The following UGT2B4 variants were observed in gnomAD, a reference collection of about 807,000 sequenced individuals.
UGT2B4 encodes UDP glucuronosyltransferase family 2 member B4, also known as UDP-glucuronosyltransferase 2B4.
In UGT2B4, 49 loss-of-function variants were observed where a neutral mutation model predicts 49.8. The ratio of observed to expected loss-of-function variants is 0.98; its 90% confidence interval spans 0.78 to 1.25. The LOEUF is 1.25. Ranked by LOEUF, UGT2B4 falls within the 50% of genes most tolerant of loss-of-function variation. UGT2B4 has a pLI of 0.00. For missense variants in UGT2B4, 729 were observed against 627.7 expected (o/e 1.16, Z -1.73); for synonymous variants, 246 against 217.7 (o/e 1.13, Z -1.14).
At chr4:69,488,573 T>C (rs1194047326) in intron 3 of UGT2B4, among the ~76,000 whole-genome samples, 1 of 152,010 alleles carries the variant, frequency 6.6e-6, no homozygotes, top group Non-Finnish European at 1.5e-5. Context: ...AGAAAATATG[T>C]TCCTACTATG....
intron 1 of UGT2B4, among the ~76,000 whole-genome samples, chr4:69,504,150 A>G (rs1728409167): frequency 6.6e-6 from 1 of 152,176 alleles, no homozygotes; most frequent in South Asian, 2.1e-4. Context: ...TGAAAACTCA[A>G]AAAGCCACAG....
chr4:69,487,569 A>G (rs1727830576), intron 3 of UGT2B4, among the ~76,000 whole-genome samples: 2 of 152,088 alleles, frequency 1.3e-5, no homozygotes, highest in Non-Finnish European at 2.9e-5. Context: ...ATAGAGAGGA[A>G]TAACATACAC....
chr4:69,522,251 A>T (rs1373251054), intron 1 of UGT2B4, among the ~76,000 whole-genome samples: 1 of 152,226 alleles, frequency 6.6e-6, no homozygotes. Context: ...ACAATCAAAA[A>T]CACATTATAC....
At chr4:69,488,820 G>C (rs1312851182) in intron 3 of UGT2B4, among the ~76,000 whole-genome samples, 1 of 151,964 alleles carries the variant, frequency 6.6e-6, no homozygotes, top group Non-Finnish European at 1.5e-5. Context: ...AGCAAAGCAG[G>C]CTGCTTTTTC....
chr4:69,480,721 A>G lies in UGT2B4; in HGVS notation c.1500T>C (p.Cys500=), dbSNP rs1008351318. 6.2e-7 allele frequency: 1 copy of G among 1,613,944 alleles called. No individual in the cohort carries two copies. The change falls in exon 6 of 6, where the codon TGT becomes TGC. Residue 500 remains cysteine (C), a synonymous_variant. Transcript: ENST00000305107. ...TGATGATGAATATCACAGTTGCCACACAGGCCAGCAGGAACCCAGTCACAT... is the reference window on the plus strand; with the variant it reads ...TGATGATGAATATCACAGTTGCCACGCAGGCCAGCAGGAACCCAGTCACAT... The part of the protein sequence containing the change: ...SLDVTGFLLA[C]VATVIFIITK...
At chr4:69,515,490 T>G (rs116177216) in intron 1 of UGT2B4, among the ~76,000 whole-genome samples, 127 of 152,264 alleles carry the variant, frequency 8.3e-4, no homozygotes, top group African/African-American at 2.8e-3. Context: ...TGCACCAGAA[T>G]CTCTGGGACA....
intron 1 of UGT2B4, among the ~76,000 whole-genome samples, chr4:69,521,978 T>C (rs900713006): frequency 6.6e-6 from 1 of 152,192 alleles, no homozygotes; most frequent in Non-Finnish European, 1.5e-5. Flanking sequence ...AAGAAGACTA[T>C]AACACTGATG....
intron 1 of UGT2B4, among the ~76,000 whole-genome samples, chr4:69,512,720 TTTTTTG>T (rs1257653484): frequency 1.6e-5 from 2 of 128,552 alleles, no homozygotes; most frequent in African/African-American, 5.2e-5. Flanking sequence ...CATCTGTTTT[TTTTTTG>T]TTTGTTTGTT....
rs1409309746 is a variant in UGT2B4, at chr4:69,502,089, CTCTCTT to C, written c.-105-6129_-105-6124del. Among the ~76,000 whole-genome samples the C allele has an allele frequency of 8.0e-4, 67 of 84,146 alleles. 1 individual carries two copies. Among genetic ancestry groups the C allele is most frequent in the African/African-American group, 2.8e-3 (61 of 21,696 alleles). 55.2% of individuals were successfully genotyped at this position (84,146 alleles called of 152,430 possible). On this transcript the variant is annotated intron_variant, in intron 1 of 1. Coordinates refer to the UGT2B4 transcript ENST00000510114. The stretch of plus-strand genomic sequence containing the variant: ...TTCCTTCTTTTCTTTCTTTCTTTCT[CTCTCTT>C]TCTTTCTTTCTTTCTTTCTTTCTTT...
At chr4:69,525,665 A>G (rs1728964065) in intron 1 of UGT2B4, 1 of 1,263,724 alleles carries the variant, frequency 7.9e-7, no homozygotes, top group Non-Finnish European at 1.0e-6. Context: ...TACACATTCA[A>G]TGCACAATTT....
upstream of UGT2B4, among the ~76,000 whole-genome samples, chr4:69,496,605 A>G (rs1728170209): frequency 6.6e-6 from 1 of 152,198 alleles, no homozygotes; most frequent in African/African-American, 2.4e-5. Context: ...CTTCTACCGT[A>G]AGAGTCAATT....
chr4:69,494,742 C>T (rs1328587411), intron 1 of UGT2B4, among the ~76,000 whole-genome samples: 1 of 152,126 alleles, frequency 6.6e-6, no homozygotes, highest in Non-Finnish European at 1.5e-5. Context: ...AAAACAATTT[C>T]TGCAATGTTA....
chr4:69,502,118 T>TTTCTTTCTTTCTTTCTTTCTTTCTTTC (rs1491463496), intron 1 of UGT2B4, among the ~76,000 whole-genome samples: 1,544 of 135,740 alleles, frequency 0.011, 52 homozygotes, highest in Non-Finnish European at 0.012. Flanking sequence ...TCTTTCTTTC[T>TTTCTTTCTTTCTTTCTTTCTTTCTTTC]TTCTTTCTTT....
intron 2 of UGT2B4, among the ~76,000 whole-genome samples, chr4:69,493,225 C>T (rs1728045857): frequency 6.6e-6 from 1 of 151,784 alleles, no homozygotes; most frequent in Non-Finnish European, 1.5e-5. Context: ...TCAGTGACTC[C>T]AGGATACTCT....
At chr4:69,496,029 G>A, upstream of UGT2B4, 1 of 1,168,418 alleles carries the variant, frequency 8.6e-7, no homozygotes. Flanking sequence ...ACAAATAAAA[G>A]GTAGATGACC....
At chr4:69,490,227 C>G (rs1727940647) in intron 2 of UGT2B4, among the ~76,000 whole-genome samples, 1 of 152,070 alleles carries the variant, frequency 6.6e-6, no homozygotes, top group Non-Finnish European at 1.5e-5. Context: ...CTATAAATTT[C>G]TATAAATAAT....
chr4:69,482,042 C>G (rs1577877886), intron 5 of UGT2B4, among the ~76,000 whole-genome samples: 3 of 152,160 alleles, frequency 2.0e-5, no homozygotes, highest in Admixed American at 2.0e-4. Context: ...CTCCACTTTC[C>G]CATGCACACT....
intron 3 of UGT2B4, among the ~76,000 whole-genome samples, chr4:69,488,522 C>T (rs1727862740): frequency 2.6e-5 from 4 of 152,050 alleles, no homozygotes; most frequent in Admixed American, 2.6e-4. Flanking sequence ...AGGCAGGGAA[C>T]TAAAAAGTAA....
intron 3 of UGT2B4, among the ~76,000 whole-genome samples, chr4:69,486,916 G>T (rs1013706780): frequency 2.0e-5 from 3 of 152,024 alleles, no homozygotes; most frequent in African/African-American, 7.2e-5. Context: ...AGACAAATAA[G>T]ATAATCAATG....
Sources: gnomAD v4.1 joint callset for allele counts (sites outside exome capture counted in the v4.1 genomes callset) on GRCh38, gnomAD v4.1.1 for gene constraint, MANE v1.5 for transcripts, NCBI Gene and HGNC (gene_info 2026-07-23, HGNC 2026-07-21) for gene names.